Variants in CES5A observed in about 807,000 individuals in gnomAD.
The protein encoded by CES5A is carboxylesterase 5A, also known as carboxylesterase 5.
CES5A carries 67 observed loss-of-function variants against 62.9 expected under a neutral mutation model. The observed-to-expected ratio is 1.07, with a 90% confidence interval of 0.88 to 1.31. The LOEUF (loss-of-function observed/expected upper bound fraction) is 1.31. Among genes scored for constraint, CES5A ranks in the 50% most tolerant of loss-of-function variants. The pLI, the probability that CES5A is intolerant of heterozygous loss-of-function variation, is 0.00. For synonymous variants in CES5A, 296 were observed against 280.8 expected, an observed-to-expected ratio of 1.05 and a Z score of -0.54; for missense variants, 748 against 708.5, an observed-to-expected ratio of 1.06 and a Z score of -0.63.
chr16:55,923,916 C>A (rs2034233897), intron 1 of CES5A, among the ~76,000 whole-genome samples: 1 of 151,844 alleles, frequency 6.6e-6, no homozygotes, highest in Non-Finnish European at 1.5e-5. Context: ...GGAACATGCT[C>A]AAAATAATAC....
At chr16:55,882,866 T>C (rs1442005491) in intron 1 of CES5A, among the ~76,000 whole-genome samples, 1 of 152,196 alleles carries the variant, frequency 6.6e-6, no homozygotes, top group Non-Finnish European at 1.5e-5. Context: ...TGGCCACCTC[T>C]TGCTCATCCT....
At chr16:55,893,912 T>C (rs962676155) in intron 1 of CES5A, among the ~76,000 whole-genome samples, 10 of 151,932 alleles carry the variant, frequency 6.6e-5, no homozygotes, top group African/African-American at 2.2e-4. Flanking sequence ...AAATACAAAT[T>C]TAAAAATCAC....
intron 3 of CES5A, among the ~76,000 whole-genome samples, chr16:55,870,705 A>G (rs1297675296): frequency 6.6e-6 from 1 of 152,210 alleles, no homozygotes; most frequent in East Asian, 1.9e-4. Flanking sequence ...CCCAAAAAAA[A>G]GAGGGAAGAG....
At chr16:55,955,937 A>T in exon 1 of CES5A, 1 of 1,523,574 alleles carries the variant, frequency 6.6e-7, no homozygotes, top group Non-Finnish European at 8.8e-7. Flanking sequence ...GCTGGCCTTG[A>T]CACAGAGCCC....
intron 11 of CES5A, among the ~76,000 whole-genome samples, chr16:55,847,971 A>G (rs531703896): frequency 1.3e-5 from 2 of 152,276 alleles, no homozygotes; most frequent in East Asian, 1.9e-4. Flanking sequence ...GTGCAGTGGC[A>G]TGATCATAGC....
chr16:55,862,149 A>G (rs1374239887), intron 6 of CES5A, among the ~76,000 whole-genome samples: 3 of 152,104 alleles, frequency 2.0e-5, no homozygotes, highest in Non-Finnish European at 4.4e-5. Flanking sequence ...ATCTCCTATA[A>G]GCTCGATGTT....
intron 1 of CES5A, among the ~76,000 whole-genome samples, chr16:55,921,704 A>G (rs1388115842): frequency 6.6e-6 from 1 of 151,838 alleles, no homozygotes; most frequent in African/African-American, 2.4e-5. Context: ...TACTGGTAAA[A>G]TTAAGTATAC....
intron 2 of CES5A, chr16:55,943,966 G>A: frequency 4.3e-6 from 3 of 698,234 alleles, no homozygotes; most frequent in African/African-American, 1.7e-5. Context: ...CCTCCCATAT[G>A]AGCATTATCA....
chr16:55,867,966 C>T (rs1279658324), intron 4 of CES5A, among the ~76,000 whole-genome samples: 1 of 152,174 alleles, frequency 6.6e-6, no homozygotes, highest in African/African-American at 2.4e-5. Context: ...TGCAGCTGGG[C>T]ACCCCTGGCT....
At chr16:55,954,677 G>A (rs1190320179) in intron 1 of CES5A, among the ~76,000 whole-genome samples, 1 of 152,190 alleles carries the variant, frequency 6.6e-6, no homozygotes, top group Non-Finnish European at 1.5e-5. Context: ...ACCTCAGCCA[G>A]CCACAGTCCT....
At chr16:55,858,617 A>G (rs1302417784) in intron 8 of CES5A, among the ~76,000 whole-genome samples, 2 of 152,218 alleles carry the variant, frequency 1.3e-5, no homozygotes, top group Non-Finnish European at 2.9e-5. Flanking sequence ...TCACAACTCA[A>G]TGAACTTGAG....
chr16:55,953,353 A>C (rs2034577815), intron 1 of CES5A, among the ~76,000 whole-genome samples: 1 of 152,210 alleles, frequency 6.6e-6, no homozygotes, highest in Non-Finnish European at 1.5e-5. Flanking sequence ...AGAAAATAAG[A>C]AATGTAACTC....
At chr16:55,875,419 C>G (rs1370674110), upstream of CES5A, 5 of 1,293,010 alleles carry the variant, frequency 3.9e-6, no homozygotes, top group African/African-American at 1.5e-5. Context: ...TTCTGATTTA[C>G]ATAAGAAGCT....
At position 55,871,842 on chromosome 16, in the gene CES5A, G is replaced by A. The variant is rs566269786; in HGVS notation, c.279-79C>T. On this transcript the variant is annotated intron_variant, in intron 2 of 12. Coordinates refer to ENST00000290567, the MANE Select transcript of CES5A (RefSeq NM_001143685.2). ...GGGAAGGGCCAGTTCTTCTGACAGC[G>A]GGGAGGCCTGGCCGTCTCCTCTGCC... is the stretch of plus-strand genomic sequence containing the variant. 27 of 1,494,422 alleles carry A rather than the reference G, an allele frequency of 1.8e-5. No individual in the cohort carries two copies. In the African/African-American group the frequency reaches 2.1e-4, roughly 11 times the overall value. 92.6% of individuals were successfully genotyped at this position (1,494,422 alleles called of 1,614,324 possible).
rs545925659 is a variant in CES5A at position 55,954,308 on chromosome 16, C to T, written c.42+1536G>A. Among the ~76,000 whole-genome samples the T allele has an allele frequency of 2.6e-5, 4 of 152,234 alleles. 1 individual carries two copies. The South Asian group carries it at 8.3e-4, about 32-fold the overall frequency. On this transcript the variant is annotated intron_variant, in intron 1 of 13. Transcript: ENST00000521992. ...ATTAAGAAAATAACTTTTCCAGAAGCAGAATGCATTGCATGCATTGGAAGC... is the reference window on the plus strand; with the variant it reads ...ATTAAGAAAATAACTTTTCCAGAAGTAGAATGCATTGCATGCATTGGAAGC...
At chr16:55,849,823 G>T in intron 10 of CES5A, 50 bp from the exon 11 acceptor site, 1 of 1,590,570 alleles carries the variant, frequency 6.3e-7, no homozygotes, top group South Asian at 1.1e-5. Flanking sequence ...CGGAGCAGGG[G>T]GCTGGCTCTG....
chr16:55,952,444 CA>C (rs1202323480), intron 1 of CES5A, among the ~76,000 whole-genome samples: 1 of 150,520 alleles, frequency 6.6e-6, no homozygotes, highest in Non-Finnish European at 1.5e-5. Context: ...AACTAGAACA[CA>C]AAAAAATCAA....
intron 1 of CES5A, among the ~76,000 whole-genome samples, chr16:55,923,687 T>A (rs2034231597): frequency 6.6e-6 from 1 of 151,656 alleles, no homozygotes; most frequent in Non-Finnish European, 1.5e-5. Flanking sequence ...TATCCAGATA[T>A]GAAAATCAAA....
rs1465312478 is a variant in CES5A, at chr16:55,856,396, TG to T, written c.1105del (p.His369IlefsTer2). 1 of 1,614,014 alleles carries T rather than the reference TG, an allele frequency of 6.2e-7. No homozygotes were observed. The highest frequency in any genetic ancestry group is 2.2e-5 in the East Asian group (1 of 44,884). On this transcript the variant is annotated frameshift_variant, in exon 9 of 13. Coordinates refer to ENST00000290567, the MANE Select transcript of CES5A (RefSeq NM_001143685.2). LOFTEE classifies it high-confidence loss of function. ...ACTCACCAGGATGTTTTGTATCAGA[TG>T]GAGGGCAAGGGACTTGTTGGAGCCA... The part of the protein sequence containing the change: ...LSGSNKSLAL[H>X]LIQNILHIPP...
Sources: allele counts gnomAD v4.1 joint callset (sites outside exome capture counted in the v4.1 genomes callset), GRCh38; gene constraint gnomAD v4.1.1; transcripts MANE v1.5; gene names NCBI Gene and HGNC (gene_info 2026-07-23, HGNC 2026-07-21).